MAGI1: variants seen among roughly 807,000 people sequenced by gnomAD.
MAGI1 encodes the protein membrane associated guanylate kinase, WW and PDZ domain containing 1.
MAGI1 carries 58 observed loss-of-function variants against 139.9 expected under a neutral mutation model. The observed-to-expected ratio is 0.41, with a 90% CI of 0.34 to 0.52. The LOEUF is 0.52. Among genes scored for constraint, MAGI1 ranks in the 20% least tolerant of loss-of-function variants. MAGI1 has a pLI of 0.12. For synonymous variants in MAGI1, 812 were observed against 737.9 expected (o/e 1.10, Z -1.63); for missense variants, 1,874 against 1,901.6 (o/e 0.99, Z 0.27).
At chr3:65,596,337 G>A (rs7627760) in intron 2 of MAGI1, among the ~76,000 whole-genome samples, 99,107 of 152,060 alleles carry the variant, frequency 0.65, 33,090 homozygotes, top group East Asian at 0.91. Context: ...CCCAACAAAT[G>A]TGTCCGAATC....
chr3:65,736,403 A>C (rs552286062), intron 1 of MAGI1, among the ~76,000 whole-genome samples: 1 of 152,186 alleles, frequency 6.6e-6, no homozygotes, highest in African/African-American at 2.4e-5. Context: ...GATATATAAG[A>C]AGAAGTTTAT....
chr3:65,972,381 T>C (rs1245258854), intron 1 of MAGI1, among the ~76,000 whole-genome samples: 1 of 152,240 alleles, frequency 6.6e-6, no homozygotes, highest in East Asian at 1.9e-4. Context: ...TTTAAATATT[T>C]TCTGATGCAG....
intron 1 of MAGI1, among the ~76,000 whole-genome samples, chr3:65,793,090 T>C (rs538043116): frequency 1.3e-5 from 2 of 152,300 alleles, no homozygotes; most frequent in East Asian, 3.9e-4. Flanking sequence ...CTTTTATTGC[T>C]AAGAAACTTT....
intron 1 of MAGI1, among the ~76,000 whole-genome samples, chr3:65,680,795 T>TATGATATGATATGATATGATATATG (rs58365928): frequency 0.01 from 1,584 of 151,216 alleles, 9 homozygotes; most frequent in Non-Finnish European, 0.014. Flanking sequence ...TATGATATGA[T>TATGATATGATATGATATGATATATG]ATACTTTAAT....
At chr3:65,825,678 ATTT>A (rs1267571816) in intron 1 of MAGI1, among the ~76,000 whole-genome samples, 1 of 152,220 alleles carries the variant, frequency 6.6e-6, no homozygotes, top group Admixed American at 6.5e-5. Flanking sequence ...TGTCAACAGT[ATTT>A]TTAAGTTAAA....
At position 65,429,700 on chromosome 3, in the gene MAGI1, C is replaced by A. The variant is rs935326560; in HGVS notation, c.1987G>T (p.Gly663Trp). 3.7e-6 allele frequency: 6 copies of A among 1,613,784 alleles called. No individual in the cohort carries two copies. Among genetic ancestry groups the A allele is most frequent in the Admixed American group, 1.7e-5 (1 of 59,938 alleles). ...ATCTGTTTCACTCTTTGGCCACCCCCACCAGGACTGTCTGCGATAGTAAAA... is the reference window on the plus strand; with the variant it reads ...ATCTGTTTCACTCTTTGGCCACCCCAACCAGGACTGTCTGCGATAGTAAAA... ...FGFTIADSPG[G>W]GGQRVKQIVD... Residue 663 changes from glycine (G) to tryptophan (W), a missense_variant, in exon 12 of 23, where the codon GGG becomes TGG. Physicochemically the swap from Gly to Trp is radical, Grantham distance 184. Coordinates refer to ENST00000402939, the MANE Select transcript of MAGI1 (RefSeq NM_001033057.2).
intron 1 of MAGI1, among the ~76,000 whole-genome samples, chr3:65,870,280 G>C (rs1456371524): frequency 6.6e-6 from 1 of 151,596 alleles, no homozygotes; most frequent in Non-Finnish European, 1.5e-5. Context: ...AATACTGGAA[G>C]CCTGGGCCTC....
chr3:65,621,165 G>A (rs887368549), intron 2 of MAGI1, among the ~76,000 whole-genome samples: 6 of 152,100 alleles, frequency 3.9e-5, no homozygotes, highest in African/African-American at 1.4e-4. Flanking sequence ...GAGGAGAAAG[G>A]AAAATTCTAA....
chr3:65,786,755 G>C (rs1032761424), intron 1 of MAGI1, among the ~76,000 whole-genome samples: 2 of 151,918 alleles, frequency 1.3e-5, no homozygotes, highest in African/African-American at 4.8e-5. Flanking sequence ...GGGACTACAG[G>C]CGCCCGCCAC....
intron 1 of MAGI1, among the ~76,000 whole-genome samples, chr3:65,892,683 T>TA (rs1262617929): frequency 6.6e-6 from 1 of 152,180 alleles, no homozygotes; most frequent in Non-Finnish European, 1.5e-5. Context: ...CAGTAAGACT[T>TA]ACCTGGGGCA....
chr3:65,448,154 C>T (rs774685683), intron 6 of MAGI1, 97 bp from the exon 7 acceptor site: 4 of 1,053,094 alleles, frequency 3.8e-6, no homozygotes, highest in Non-Finnish European at 6.0e-6. Flanking sequence ...AAAACAGCAG[C>T]AAACACATCA....
chr3:65,695,410 G>C (rs971227194), intron 1 of MAGI1, among the ~76,000 whole-genome samples: 4 of 152,162 alleles, frequency 2.6e-5, no homozygotes, highest in Non-Finnish European at 4.4e-5. Flanking sequence ...GAAAACAGAA[G>C]GAGGTCCTGG....
At chr3:65,738,569 G>A (rs533968397) in intron 1 of MAGI1, among the ~76,000 whole-genome samples, 1 of 152,112 alleles carries the variant, frequency 6.6e-6, no homozygotes, top group South Asian at 2.1e-4. Flanking sequence ...CACTATCTAC[G>A]GCAGCTATAG....
At chr3:65,837,901 TA>T (rs2058681323) in intron 1 of MAGI1, among the ~76,000 whole-genome samples, 1 of 152,240 alleles carries the variant, frequency 6.6e-6, no homozygotes, top group South Asian at 2.1e-4. Context: ...GTCTTATTTT[TA>T]AACTTTTTAT....
In MAGI1 at chr3:65,380,053, AG is replaced by A. The variant is rs1942915471; in HGVS notation, c.2702-500del. Among the ~76,000 whole-genome samples the A allele has an allele frequency of 5.3e-5, 8 of 152,302 alleles. No individual in the cohort carries two copies. In the South Asian group the frequency reaches 1.7e-3, roughly 32 times the overall value. ...AAACAGTAAGGTGATGGTAACGTTG[AG>A]GCTACCCGCCCTATGTGGGGTTCAT... On this transcript the variant is annotated intron_variant, in intron 16 of 22. Transcript: ENST00000402939.
intron 2 of MAGI1, among the ~76,000 whole-genome samples, chr3:65,613,006 C>A (rs774005939): frequency 3.9e-5 from 6 of 152,040 alleles, no homozygotes; most frequent in Non-Finnish European, 7.4e-5. Flanking sequence ...AATACTAATC[C>A]ATATGTTATT....
intron 1 of MAGI1, among the ~76,000 whole-genome samples, chr3:65,647,838 G>GT (rs935665516): frequency 6.6e-6 from 1 of 152,104 alleles, no homozygotes; most frequent in Admixed American, 6.5e-5. Context: ...TACATCTGAC[G>GT]TAATAATTCA....
intron 1 of MAGI1, among the ~76,000 whole-genome samples, chr3:65,797,289 C>G (rs967981698): frequency 2.6e-5 from 4 of 152,074 alleles, no homozygotes; most frequent in African/African-American, 7.2e-5. Flanking sequence ...AAGGATGCAT[C>G]TAAGGAAGCT....
chr3:65,394,966 A>G (rs1575598901), intron 13 of MAGI1, among the ~76,000 whole-genome samples: 1 of 152,192 alleles, frequency 6.6e-6, no homozygotes, highest in Admixed American at 6.5e-5. Flanking sequence ...AAGTAGCTGT[A>G]GTTAAAAGTA....
Sources: allele counts gnomAD v4.1 joint callset (sites outside exome capture counted in the v4.1 genomes callset), GRCh38; gene constraint gnomAD v4.1.1; transcripts MANE v1.5; gene names NCBI Gene and HGNC (gene_info 2026-07-23, HGNC 2026-07-21).